RMDN2: variants seen among roughly 807,000 people sequenced by gnomAD.
RMDN2 encodes the protein regulator of microtubule dynamics protein 2.
Under a neutral mutation model 52.8 loss-of-function variants are expected in RMDN2, and 61 were observed. The ratio of observed to expected loss-of-function variants is 1.16; its 90% CI spans 0.94 to 1.43. The LOEUF (loss-of-function observed/expected upper bound fraction) is 1.43. Ranked by LOEUF, RMDN2 falls within the 40% of genes most tolerant of loss-of-function variation. RMDN2 has a pLI of 0.00. For missense variants in RMDN2, 592 were observed against 475.3 expected (o/e 1.25, Z -2.28); for synonymous variants, 180 against 153.1 (o/e 1.18, Z -1.30).
At chr2:37,990,145 A>C (rs866733164) in intron 6 of RMDN2, among the ~76,000 whole-genome samples, 18,249 of 144,632 alleles carry the variant, frequency 0.13, 1,846 homozygotes, top group African/African-American at 0.28. Context: ...TCCGTCTGAA[A>C]AAAAAAAAAA....
chr2:38,007,879 G>A (rs1173468145), intron 10 of RMDN2, among the ~76,000 whole-genome samples: 2 of 152,096 alleles, frequency 1.3e-5, no homozygotes, highest in African/African-American at 4.8e-5. Context: ...TGCTTCGAAT[G>A]TGTCCCAGAG....
At position 38,004,226 on chromosome 2, in the gene RMDN2, G is replaced by A. The variant is rs376915301; in HGVS notation, c.1179+10G>A. Reference sequence around the variant, plus strand: ...TACTGTTACCAAAGAGGTAAGTCCAGAAAGTGACAGTGAGTGCTGTTGTCT... The same window carrying A: ...TACTGTTACCAAAGAGGTAAGTCCAAAAAGTGACAGTGAGTGCTGTTGTCT... On this transcript the variant is annotated intron_variant, in intron 10 of 10. Coordinates refer to ENST00000354545, the MANE Select transcript of RMDN2 (RefSeq NM_001170791.3). 2 of 1,595,062 alleles carry A rather than the reference G, an allele frequency of 1.3e-6. No homozygotes were observed. The highest frequency in any genetic ancestry group is 1.7e-6 in the Non-Finnish European group (2 of 1,162,814).
At position 37,991,286 on chromosome 2, in the gene RMDN2, T is replaced by TA. The variant is rs1558520308; in HGVS notation, c.935dup (p.Tyr312Ter). The change falls in exon 7 of 11, where the codon TAC (tyrosine) becomes TAAC (stop). Residue 312 changes from tyrosine to a stop codon, truncating the protein, a stop_gained and frameshift_variant. Transcript: ENST00000354545. LOFTEE classifies it high-confidence loss of function. Reference protein sequence around the residue: ...EPFLYYLKGRYCYTVSKLSWI... With the variant: ...EPFLYYLKGR ...CTTTCTATATTACCTCAAAGGGAGATACTGCTATACTGTAAGTTGAATGCC... is the reference window on the plus strand; with the variant it reads ...CTTTCTATATTACCTCAAAGGGAGATAACTGCTATACTGTAAGTTGAATGCC... 6.6e-7 allele frequency: 1 copy of TA among 1,514,454 alleles called. No homozygotes were observed. The highest frequency in any genetic ancestry group is 1.3e-5 in the South Asian group (1 of 78,398). The allele number at this position is 1,514,454 out of a possible 1,614,324, so 93.8% of individuals were successfully genotyped here.
chr2:37,923,681 G>C (rs1666094970), upstream of RMDN2, among the ~76,000 whole-genome samples: 1 of 152,150 alleles, frequency 6.6e-6, no homozygotes, highest in South Asian at 2.1e-4. Flanking sequence ...GTTTGTAGAA[G>C]GTAATATTTT....
chr2:38,000,006 A>T (rs1009460784), intron 8 of RMDN2, among the ~76,000 whole-genome samples: 1 of 152,208 alleles, frequency 6.6e-6, no homozygotes, highest in African/African-American at 2.4e-5. Context: ...AATATATTTT[A>T]TATTCTTACC....
In RMDN2 at chr2:38,047,775, T is replaced by A. The variant is rs542726306; in HGVS notation, c.1714-19207T>A. On this transcript the variant is annotated intron_variant, in intron 10 of 10. Coordinates refer to the RMDN2 transcript ENST00000234195. ...ATGACGGTTAACTGTCTGCATCTCA[T>A]GGCAAATCATTGAGTTCCTGAAGTG... Among the ~76,000 whole-genome samples, 4 of 152,380 alleles carry A rather than the reference T, an allele frequency of 2.6e-5. No homozygotes were observed. In the East Asian group the frequency reaches 7.7e-4, roughly 29 times the overall value.
At chr2:38,030,718 A>G (rs1158426395) in intron 10 of RMDN2, 10 of 152,202 alleles carry the variant, frequency 6.6e-5, no homozygotes, top group Admixed American at 6.5e-4. Flanking sequence ...TATCACCATC[A>G]TTTGACCATG....
chr2:37,973,038 G>C lies in RMDN2; in HGVS notation c.453-1002G>C, dbSNP rs555823064. 1.5e-4 allele frequency among the ~76,000 whole-genome samples: 23 copies of C among 152,300 alleles called. 1 individual carries two copies. The highest frequency in any genetic ancestry group is 1.4e-3 in the Admixed American group (21 of 15,298). Reference sequence around the variant, plus strand: ...GTGAAGCTGATTGCATTGCATGCTAGAAAATGAAGAACATTTGTGTCCTTT... The same window carrying C: ...GTGAAGCTGATTGCATTGCATGCTACAAAATGAAGAACATTTGTGTCCTTT... On this transcript the variant is annotated intron_variant, in intron 2 of 10. Coordinates refer to ENST00000354545, the MANE Select transcript of RMDN2 (RefSeq NM_001170791.3).
At chr2:37,952,272 T>C (rs2124969685) in intron 2 of RMDN2, 1 of 422,332 alleles carries the variant, frequency 2.4e-6, no homozygotes, top group South Asian at 5.6e-5. Flanking sequence ...TTTCATAGCC[T>C]GTAGAATTCA....
At position 38,002,867 on chromosome 2, in the gene RMDN2, C is replaced by G. The variant is rs535779516; in HGVS notation, c.1045-1124C>G. Reference sequence around the variant, plus strand: ...TATCCTCTTCTCTTGTGTTCTACCCCCCTCTAGGGTGGAGACTCCAGGTTG... The same window carrying G: ...TATCCTCTTCTCTTGTGTTCTACCCGCCTCTAGGGTGGAGACTCCAGGTTG... On this transcript the variant is annotated intron_variant, in intron 8 of 10. Transcript: ENST00000354545. 1.1e-4 allele frequency: 17 copies of G among 152,330 alleles called. No individual in the cohort carries two copies. The East Asian group carries it at 2.5e-3, about 22-fold the overall frequency. The allele number at this position is 152,330 out of a possible 1,614,324, so 9.4% of individuals were successfully genotyped here.
intron 10 of RMDN2, among the ~76,000 whole-genome samples, chr2:38,065,376 T>A (rs163085): frequency 0.41 from 61,313 of 149,208 alleles, 13,084 homozygotes; most frequent in East Asian, 0.76. Context: ...GAATAAATTT[T>A]AAAAAAAAAA....
chr2:37,920,947 G>A (rs961966319), upstream of RMDN2, among the ~76,000 whole-genome samples: 1 of 152,202 alleles, frequency 6.6e-6, no homozygotes, highest in Non-Finnish European at 1.5e-5. Flanking sequence ...GAAAACCACT[G>A]AGCAAGGTTA....
At chr2:37,971,235 T>C (rs1671770709) in intron 2 of RMDN2, among the ~76,000 whole-genome samples, 1 of 152,142 alleles carries the variant, frequency 6.6e-6, no homozygotes, top group Non-Finnish European at 1.5e-5. Flanking sequence ...ACACTTAGGT[T>C]TGATACATTT....
chr2:38,039,047 TACACACACACACACACACACAC>T (rs71414270), intron 10 of RMDN2, among the ~76,000 whole-genome samples: 17 of 127,388 alleles, frequency 1.3e-4, no homozygotes, highest in Admixed American at 6.8e-4. Context: ...CCAGATGCTA[TACACACACACACACACACACAC>T]ACACACACAC....
In RMDN2 at chr2:37,936,267, A is replaced by G. The variant is rs115654744; in HGVS notation, c.452+6538A>G. 4.2e-3 allele frequency among the ~76,000 whole-genome samples: 639 copies of G among 152,312 alleles called. 7 individuals carry two copies. Among genetic ancestry groups the G allele is most frequent in the African/African-American group, 0.014 (585 of 41,560 alleles). ...GGATGCATGGTATTCCATAGTGTGT[A>G]TGTGACACATTTTCTTTATCCAGTC... On this transcript the variant is annotated intron_variant, in intron 2 of 10. Transcript: ENST00000354545.
chr2:37,985,980 T>A (rs1341066587), intron 5 of RMDN2, among the ~76,000 whole-genome samples: 1 of 152,180 alleles, frequency 6.6e-6, no homozygotes, highest in African/African-American at 2.4e-5. Context: ...TGTAAGATGT[T>A]AACAATAGGG....
At chr2:37,951,233 C>G (rs1668744623) in intron 2 of RMDN2, 1 of 1,573,718 alleles carries the variant, frequency 6.4e-7, no homozygotes, top group South Asian at 1.2e-5. Flanking sequence ...TCACTCTTAG[C>G]TGCTGCAAAG....
intron 10 of RMDN2, among the ~76,000 whole-genome samples, chr2:38,049,624 G>T (rs914230469): frequency 6.6e-6 from 1 of 152,168 alleles, no homozygotes; most frequent in Admixed American, 6.5e-5. Flanking sequence ...CCAGCCTGGA[G>T]TGCAGTGGTA....
In RMDN2 at chr2:37,974,071, C is replaced by G; in HGVS notation, c.484C>G (p.Gln162Glu). 6.2e-7 allele frequency: 1 copy of G among 1,610,620 alleles called. No individual in the cohort carries two copies. Among genetic ancestry groups the G allele is most frequent in the Non-Finnish European group, 8.5e-7 (1 of 1,178,550 alleles). ...TACAGCTAATACTGACACAGAAGAA[C>G]AGAGTTTTCCAGTCCCTAAGGCATT... ...YITANTDTEE[Q>E]SFPVPKAFNT... The change falls in exon 3 of 11, where the codon CAG (glutamine) becomes GAG (glutamate). Residue 162 changes from glutamine (Q) to glutamate (E), a missense_variant. Physicochemically the swap from Gln to Glu is conservative, Grantham distance 29. Transcript: ENST00000354545.
Sources: gnomAD v4.1 joint callset for allele counts (sites outside exome capture counted in the v4.1 genomes callset) on GRCh38, gnomAD v4.1.1 for gene constraint, MANE v1.5 for transcripts, NCBI Gene and HGNC (gene_info 2026-07-23, HGNC 2026-07-21) for gene names.